CHST15: variants seen among roughly 807,000 people sequenced by gnomAD.
The protein encoded by CHST15 is carbohydrate sulfotransferase 15.
CHST15 carries 30 observed loss-of-function variants against 53.6 expected under a neutral mutation model. The observed-to-expected ratio is 0.56, with a 90% CI of 0.42 to 0.76. The LOEUF (loss-of-function observed/expected upper bound fraction) is 0.76, where lower values mean the gene tolerates loss of function less well. Among genes scored for constraint, CHST15 ranks in the 30% least tolerant of loss-of-function variants. The probability of loss-of-function intolerance (pLI) is 0.00; values close to 1 mark genes in which losing one functional copy is unlikely to be tolerated. For missense variants in CHST15, 627 were observed against 740.5 expected (o/e 0.85, Z 1.78); for synonymous variants, 296 against 289.8 (o/e 1.02, Z -0.22).
intron 1 of CHST15, among the ~76,000 whole-genome samples, chr10:124,060,501 G>T (rs986799528): frequency 6.7e-6 from 1 of 148,686 alleles, no homozygotes. Context: ...GTGTGTGGAG[G>T]TGTGCCAGGC....
Position 124,008,661 on chromosome 10 carries a change from C to G in CHST15, c.*1488G>C, listed in dbSNP as rs1946332290. 1 of 1,045,392 alleles carries G rather than the reference C, an allele frequency of 9.6e-7. No individual in the cohort carries two copies. Among genetic ancestry groups the G allele is most frequent in the African/African-American group, 1.7e-5 (1 of 59,438 alleles). 64.8% of individuals were successfully genotyped at this position (1,045,392 alleles called of 1,614,324 possible). Reference sequence around the variant, plus strand: ...CTGAACAACTGCAGATCCTCCTACCCCCGAAGCCTGGTCTGTCTCACACAT... The same window carrying G: ...CTGAACAACTGCAGATCCTCCTACCGCCGAAGCCTGGTCTGTCTCACACAT... On this transcript the variant is annotated 3_prime_UTR_variant, in exon 8 of 8. Coordinates refer to ENST00000435907, the MANE Select transcript of CHST15 (RefSeq NM_001270764.2).
intron 5 of CHST15, among the ~76,000 whole-genome samples, chr10:124,028,937 T>G (rs551667937): frequency 1.2e-4 from 18 of 151,894 alleles, no homozygotes; most frequent in African/African-American, 4.1e-4. Flanking sequence ...CAATGACAGT[T>G]ACCGGAACGG....
chr10:124,061,795 C>T (rs1948583018), intron 1 of CHST15, among the ~76,000 whole-genome samples: 1 of 152,138 alleles, frequency 6.6e-6, no homozygotes, highest in African/African-American at 2.4e-5. Flanking sequence ...GTTTCTTTAT[C>T]TGTTGAAAAT....
intron 1 of CHST15, among the ~76,000 whole-genome samples, chr10:124,092,991 C>T (rs1009761628): frequency 6.6e-5 from 10 of 152,230 alleles, no homozygotes; most frequent in Non-Finnish European, 1.5e-4. Flanking sequence ...CACGGCGCCA[C>T]CACGCCACTG....
chr10:124,046,309 T>C lies in CHST15; in HGVS notation c.-97A>G, dbSNP rs932630547. 1.7e-6 allele frequency: 2 copies of C among 1,156,340 alleles called. No homozygotes were observed. The highest frequency in any genetic ancestry group is 2.6e-5 in the Admixed American group (1 of 39,078). The allele number at this position is 1,156,340 out of a possible 1,614,324, so 71.6% of individuals were successfully genotyped here. A position where few individuals can be genotyped will look rare whatever the true frequency, so the allele number is the denominator to read the frequency against. On this transcript the variant is annotated 5_prime_UTR_variant, in exon 2 of 8. Coordinates refer to ENST00000435907, the MANE Select transcript of CHST15 (RefSeq NM_001270764.2). Reference sequence around the variant, plus strand: ...AAGTCGTGCTAGAAAACCTTAAGAATGCCTTGTGATCACAGAAGATGGATG... The same window carrying C: ...AAGTCGTGCTAGAAAACCTTAAGAACGCCTTGTGATCACAGAAGATGGATG...
At chr10:124,042,577 C>T (rs1752954376) in intron 3 of CHST15, 130 bp from the exon 4 acceptor site, 1 of 1,029,330 alleles carries the variant, frequency 9.7e-7, no homozygotes, top group African/African-American at 1.6e-5. Flanking sequence ...GAGGCTCAGC[C>T]CAGGTAAGCT....
At chr10:124,061,168 A>G (rs370667837) in intron 1 of CHST15, among the ~76,000 whole-genome samples, 1 of 152,198 alleles carries the variant, frequency 6.6e-6, no homozygotes, top group East Asian at 1.9e-4. Context: ...AGGATGGGAC[A>G]TGCACATTCA....
intron 6 of CHST15, chr10:124,020,381 G>A (rs1946731078): frequency 2.0e-6 from 2 of 985,382 alleles, no homozygotes; most frequent in African/African-American, 1.7e-5. Flanking sequence ...GGTTACCTGT[G>A]TCCCTGTGGC....
At chr10:124,027,449 C>T (rs903815799) in intron 5 of CHST15, among the ~76,000 whole-genome samples, 4 of 152,098 alleles carry the variant, frequency 2.6e-5, no homozygotes, top group African/African-American at 9.7e-5. Context: ...ACAGCCAAGA[C>T]CACTGCTGGA....
chr10:124,038,938 G>A (rs1947631679), intron 4 of CHST15, among the ~76,000 whole-genome samples: 1 of 151,900 alleles, frequency 6.6e-6, no homozygotes, highest in Non-Finnish European at 1.5e-5. Context: ...CCACCCCTGA[G>A]CTCCTCTTTC....
At position 124,024,462 on chromosome 10, in the gene CHST15, C is replaced by T. The variant is rs1267437338; in HGVS notation, c.1191-3050G>A. On this transcript the variant is annotated intron_variant, in intron 5 of 7. Coordinates refer to ENST00000435907, the MANE Select transcript of CHST15 (RefSeq NM_001270764.2). The surrounding 1 kb of genome is among the most constrained non-coding windows in gnomAD (Gnocchi z 4.0). ...AGAGTTCCTAGAATCAAAACACCCA[C>T]CGGAACAGGAGTGTTCCATCTACCA... 6.6e-6 allele frequency among the ~76,000 whole-genome samples: 1 copy of T among 152,166 alleles called. No individual in the cohort carries two copies. The highest frequency in any genetic ancestry group is 1.5e-5 in the Non-Finnish European group (1 of 68,034).
chr10:124,069,840 C>T (rs533365738), intron 1 of CHST15, among the ~76,000 whole-genome samples: 2 of 152,298 alleles, frequency 1.3e-5, no homozygotes, highest in South Asian at 4.2e-4. Flanking sequence ...CGCTCCAGGC[C>T]TGACCAAACC....
intron 5 of CHST15, among the ~76,000 whole-genome samples, chr10:124,038,048 C>T (rs1344427106): frequency 6.6e-6 from 1 of 152,120 alleles, no homozygotes; most frequent in Non-Finnish European, 1.5e-5. Flanking sequence ...AAGAATAACA[C>T]TTACGTAAGA....
chr10:124,073,076 C>G (rs898725957), intron 1 of CHST15, among the ~76,000 whole-genome samples: 6 of 152,132 alleles, frequency 3.9e-5, no homozygotes. Context: ...CTTGGGCGTA[C>G]TCACTCCCAA....
chr10:124,007,785 G>A lies in CHST15; in HGVS notation c.*2364C>T. The A allele has an allele frequency of 8.1e-7, 1 of 1,231,658 alleles. No individual in the cohort carries two copies. Among genetic ancestry groups the A allele is most frequent in the Non-Finnish European group, 1.0e-6 (1 of 987,914 alleles). 76.3% of individuals were successfully genotyped at this position (1,231,658 alleles called of 1,614,324 possible). On this transcript the variant is annotated 3_prime_UTR_variant, in exon 8 of 8. Coordinates refer to ENST00000435907, the MANE Select transcript of CHST15 (RefSeq NM_001270764.2). ...TGCGATTCACTTAACATACCTTACA[G>A]GACTAAGGGAGTACAATTTAACACG...
At chr10:124,016,444 T>A (rs1211565739) in intron 6 of CHST15, among the ~76,000 whole-genome samples, 1 of 152,092 alleles carries the variant, frequency 6.6e-6, no homozygotes, top group East Asian at 1.9e-4. Context: ...TAAGGGACAA[T>A]CTGTTACTGC....
intron 5 of CHST15, among the ~76,000 whole-genome samples, chr10:124,027,176 C>T (rs1259095953): frequency 1.3e-5 from 2 of 152,210 alleles, no homozygotes; most frequent in African/African-American, 4.8e-5. Context: ...AGGCTGTCGG[C>T]GCGGCCCCTC....
intron 5 of CHST15, among the ~76,000 whole-genome samples, chr10:124,032,494 T>C (rs1947261846): frequency 1.3e-5 from 2 of 152,178 alleles, no homozygotes; most frequent in Non-Finnish European, 2.9e-5. Flanking sequence ...TAACGGGGGC[T>C]ATAACTGCCT....
At position 124,021,229 on chromosome 10, in the gene CHST15, G is replaced by C. The variant is rs755139218; in HGVS notation, c.1347+27C>G. ...GCTCCTTCTGCCAGGGGCCAGCTCGGGGGGTACGGGGGGGGGGGGTACACA... is the reference window on the plus strand; with the variant it reads ...GCTCCTTCTGCCAGGGGCCAGCTCGCGGGGTACGGGGGGGGGGGGTACACA... On this transcript the variant is annotated intron_variant, in intron 6 of 7. Transcript: ENST00000435907. 3.2e-6 allele frequency: 5 copies of C among 1,554,634 alleles called. No homozygotes were observed. The South Asian group carries it at 5.8e-5, about 18-fold the overall frequency.
Sources: allele counts gnomAD v4.1 joint callset (sites outside exome capture counted in the v4.1 genomes callset), GRCh38; gene constraint gnomAD v4.1.1; non-coding constraint Gnocchi (gnomAD v3.1); transcripts MANE v1.5; gene names NCBI Gene and HGNC (gene_info 2026-07-23, HGNC 2026-07-21).